Variants in POLI observed in about 807,000 individuals in gnomAD.
POLI encodes RAD30 homolog B.
A neutral mutation model predicts 51.6 loss-of-function variants in POLI; 58 were observed. That is an observed-to-expected ratio of 1.12 (90% CI 0.91 to 1.40). The LOEUF is 1.40. Among genes scored for constraint, POLI ranks in the 40% most tolerant of loss-of-function variants. The probability of loss-of-function intolerance (pLI) is 0.00; values close to 1 mark genes in which losing one functional copy is unlikely to be tolerated. For synonymous variants in POLI, 322 were observed against 299.7 expected (o/e 1.07, Z -0.77); for missense variants, 921 against 871.3 (o/e 1.06, Z -0.72).
In POLI at chr18:54,294,355, T is replaced by A; in HGVS notation, c.2111T>A (p.Phe704Tyr). The change falls in exon 10 of 10, where the codon TTC becomes TAC. Residue 704 changes from phenylalanine to tyrosine, a missense_variant. Transcript: ENST00000579534. The stretch of plus-strand genomic sequence containing the variant: ...GATTCTGTTGATGAGAAAATTACTT[T>A]CCCTTCTGACATTGATCCTCAAGTT... ...EPDSVDEKIT[F>Y]PSDIDPQVFY... 6.2e-7 allele frequency: 1 copy of A among 1,613,604 alleles called. No homozygotes were observed. Among genetic ancestry groups the A allele is most frequent in the Non-Finnish European group, 8.5e-7 (1 of 1,179,678 alleles).
Position 54,294,125 on chromosome 18 carries a change from T to C in POLI, c.1881T>C (p.Asn627=). 3 of 1,609,620 alleles carry C rather than the reference T, an allele frequency of 1.9e-6. No homozygotes were observed. The highest frequency in any genetic ancestry group is 2.6e-6 in the Non-Finnish European group (3 of 1,176,280). Residue 627 remains asparagine, a synonymous_variant, in exon 10 of 10, where the codon AAT becomes AAC. Transcript: ENST00000579534. ...AGGATTATTCATATTATTTAGATAA[T>C]AGATTAAAAGATGAACGAATAAGTC... ...SQKDYSYYLD[N]RLKDERISQG... is the part of the protein sequence containing the mutation.
intron 4 of POLI, 42 bp from the exon 5 acceptor site, chr18:54,280,625 G>T: frequency 7.5e-7 from 1 of 1,324,840 alleles, no homozygotes. Flanking sequence ...AAAAGAAAAA[G>T]GTTTTTCTTG....
rs1240308539 is a variant in POLI at position 54,296,554 on chromosome 18, C to G, written c.*2087C>G. Reference sequence around the variant, plus strand: ...TTTAATTCATGTTCTGTAAAATTCTCAACCACTAGCTCTTCAAATATTTCT... The same window carrying G: ...TTTAATTCATGTTCTGTAAAATTCTGAACCACTAGCTCTTCAAATATTTCT... On this transcript the variant is annotated 3_prime_UTR_variant, in exon 10 of 10. Transcript: ENST00000579534. 5.6e-6 allele frequency: 1 copy of G among 177,004 alleles called. No individual in the cohort carries two copies. The highest frequency in any genetic ancestry group is 1.1e-5 in the Non-Finnish European group (1 of 90,820). The allele number at this position is 177,004 out of a possible 1,614,324, so 11.0% of individuals were successfully genotyped here.
chr18:54,297,612 C>T lies in POLI; in HGVS notation c.*3145C>T, dbSNP rs1339817540. On this transcript the variant is annotated 3_prime_UTR_variant, in exon 10 of 10. Transcript: ENST00000579534. ...GTGCTTCTTTCCCACCTTTATCTCT[C>T]CTCCTATCTTTTGGGATCAGTTGGG... is the stretch of plus-strand genomic sequence containing the variant. The T allele has an allele frequency of 2.3e-6, 2 of 862,082 alleles. No homozygotes were observed. Among genetic ancestry groups the T allele is most frequent in the African/African-American group, 4.2e-5 (2 of 48,100 alleles). 53.4% of individuals were successfully genotyped at this position (862,082 alleles called of 1,614,324 possible).
downstream of POLI, among the ~76,000 whole-genome samples, chr18:54,302,546 A>G (rs994277383): frequency 3.3e-5 from 5 of 152,216 alleles, no homozygotes; most frequent in African/African-American, 1.2e-4. Flanking sequence ...TGATACAGGC[A>G]TGCAATGCAT....
At position 54,292,027 on chromosome 18, in the gene POLI, A is replaced by G; in HGVS notation, c.1393A>G (p.Lys465Glu). 6.2e-7 allele frequency: 1 copy of G among 1,600,688 alleles called. No individual in the cohort carries two copies. The highest frequency in any genetic ancestry group is 8.5e-7 in the Non-Finnish European group (1 of 1,170,794). ...ATTATCAACTACTTCACGCTCTGGC[A>G]AGCACAGTTTTGTAAGTACACTCTT... ...PSLSTTSRSG[K>E]HSFKMKDTHM... is the part of the protein sequence containing the mutation. Residue 465 changes from lysine (K) to glutamate (E), a missense_variant, in exon 9 of 10, where the codon AAG becomes GAG. By Grantham distance (56) the Lys-to-Glu change is moderately conservative. Transcript: ENST00000579534.
Position 54,269,534 on chromosome 18 carries a change from T to A in POLI, c.-13T>A, listed in dbSNP as rs774805835. 1 of 1,507,618 alleles carries A rather than the reference T, an allele frequency of 6.6e-7. No individual in the cohort carries two copies. Among genetic ancestry groups the A allele is most frequent in the Non-Finnish European group, 8.8e-7 (1 of 1,132,328 alleles). 93.4% of individuals were successfully genotyped at this position (1,507,618 alleles called of 1,614,324 possible). On this transcript the variant is annotated 5_prime_UTR_variant, in exon 1 of 10. Coordinates refer to ENST00000579534, the MANE Select transcript of POLI (RefSeq NM_007195.3). ...AAGCGGCCGGAAGTAGCGCTGCGGT[T>A]GGCAGCGGCGGGATGGAGAAGCTGG...
At chr18:54,280,093 A>G (rs1409123594) in intron 4 of POLI, among the ~76,000 whole-genome samples, 1 of 152,212 alleles carries the variant, frequency 6.6e-6, no homozygotes, top group African/African-American at 2.4e-5. Flanking sequence ...CATGAAAGAG[A>G]TTAGTCAAGT....
intron 3 of POLI, 49 bp downstream of exon 3, chr18:54,274,139 G>C (rs1420367807): frequency 5.3e-6 from 5 of 939,644 alleles, no homozygotes; most frequent in Non-Finnish European, 7.3e-6. Flanking sequence ...TATGTAGGAT[G>C]CCTGTTCATT....
chr18:54,309,901 G>T (rs1160044117), intron 3 of POLI, among the ~76,000 whole-genome samples: 1 of 152,168 alleles, frequency 6.6e-6, no homozygotes, highest in Non-Finnish European at 1.5e-5. Flanking sequence ...GCCTTGCCTG[G>T]GATATAATCT....
intron 3 of POLI, among the ~76,000 whole-genome samples, chr18:54,315,843 G>T (rs760865707): frequency 3.3e-5 from 5 of 151,740 alleles, no homozygotes; most frequent in Non-Finnish European, 7.4e-5. Flanking sequence ...GCCTCTGTGT[G>T]TCATTAATGT....
chr18:54,293,389 C>T (rs996844393), intron 9 of POLI, among the ~76,000 whole-genome samples: 1 of 151,840 alleles, frequency 6.6e-6, no homozygotes, highest in African/African-American at 2.4e-5. Context: ...ACAATCTTCC[C>T]AGGTCTCCAA....
chr18:54,296,864 A>G lies in POLI; in HGVS notation c.*2397A>G. On this transcript the variant is annotated 3_prime_UTR_variant, in exon 10 of 10. Transcript: ENST00000579534. ...GTCTGTTTCTAATTTTTAAAAGTCA[A>G]ATATATGATATTTTTGATAATTTCA... is the stretch of plus-strand genomic sequence containing the variant. The G allele has an allele frequency of 3.6e-6, 3 of 834,184 alleles. No homozygotes were observed. The highest frequency in any genetic ancestry group is 4.3e-6 in the Non-Finnish European group (3 of 693,174). The allele number at this position is 834,184 out of a possible 1,614,324, so 51.7% of individuals were successfully genotyped here.
chr18:54,293,329 G>A (rs535524951), intron 9 of POLI, among the ~76,000 whole-genome samples: 1 of 151,574 alleles, frequency 6.6e-6, no homozygotes, highest in South Asian at 2.1e-4. Flanking sequence ...TGCTTTTCTA[G>A]GCCGCCATTC....
At chr18:54,315,943 T>A (rs903302345) in intron 3 of POLI, among the ~76,000 whole-genome samples, 4 of 151,422 alleles carry the variant, frequency 2.6e-5, no homozygotes, top group African/African-American at 9.7e-5. Flanking sequence ...TGAGACAGGG[T>A]CTTCCTTTGT....
At position 54,269,583 on chromosome 18, in the gene POLI, G is replaced by C. The variant is rs757874841; in HGVS notation, c.37G>C (p.Gly13Arg). 7.1e-7 allele frequency: 1 copy of C among 1,417,916 alleles called. No individual in the cohort carries two copies. The highest frequency in any genetic ancestry group is 1.3e-5 in the South Asian group (1 of 77,664). The allele number at this position is 1,417,916 out of a possible 1,614,324, so 87.8% of individuals were successfully genotyped here. ...GGGGGTGGAGCCGGAGGAGGAAGGC[G>C]GCGGCGACGACGACGAGGAAGACGC... ...KLGVEPEEEG[G>R]GDDDEEDAEA... The change falls in exon 1 of 10, where the codon GGC becomes CGC. Residue 13 changes from glycine to arginine, a missense_variant. Gly to Arg is a moderately radical substitution (Grantham distance 125, BLOSUM62 -2). Coordinates refer to ENST00000579534, the MANE Select transcript of POLI (RefSeq NM_007195.3).
chr18:54,291,459 A>C (rs1427537006), intron 8 of POLI: 2 of 170,208 alleles, frequency 1.2e-5, no homozygotes, highest in African/African-American at 4.8e-5. Flanking sequence ...CCAGACAGTG[A>C]AGCTGCTATC....
chr18:54,296,779 A>G lies in POLI; in HGVS notation c.*2312A>G. The G allele has an allele frequency of 3.5e-5, 15 of 423,690 alleles. No homozygotes were observed. The highest frequency in any genetic ancestry group is 4.7e-5 in the Non-Finnish European group (15 of 318,442). 26.2% of individuals were successfully genotyped at this position (423,690 alleles called of 1,614,324 possible). On this transcript the variant is annotated 3_prime_UTR_variant, in exon 10 of 10. Transcript: ENST00000579534. Reference sequence around the variant, plus strand: ...AAACAATGATGGTTTTAATTTCAATAAATATATTTTTCATTTGATTCTTTT... The same window carrying G: ...AAACAATGATGGTTTTAATTTCAATGAATATATTTTTCATTTGATTCTTTT...
At chr18:54,281,111 G>T (rs1189347886) in intron 5 of POLI, among the ~76,000 whole-genome samples, 2 of 151,952 alleles carry the variant, frequency 1.3e-5, no homozygotes, top group Non-Finnish European at 2.9e-5. Context: ...AATATGTGAA[G>T]GTACTTTTCT....
Sources: gnomAD v4.1 joint callset for allele counts (sites outside exome capture counted in the v4.1 genomes callset) on GRCh38, gnomAD v4.1.1 for gene constraint, MANE v1.5 for transcripts, NCBI Gene and HGNC (gene_info 2026-07-23, HGNC 2026-07-21) for gene names.